SNX13: variants seen among roughly 807,000 people sequenced by gnomAD.
SNX13 encodes the protein sorting nexin 13, also known as sorting nexin-13.
Under a neutral mutation model 133.6 loss-of-function variants are expected in SNX13, and 45 were observed. The observed-to-expected ratio is 0.34, with a 90% CI of 0.27 to 0.43. The LOEUF is 0.43. SNX13 is among the 20% of genes least tolerant of loss of function. The pLI, the probability that SNX13 is intolerant of heterozygous loss-of-function variation, is 1.00. For missense variants in SNX13, 1,032 were observed against 1,145.1 expected, an observed-to-expected ratio of 0.90 and a Z score of 1.43; for synonymous variants, 414 against 373.9, an observed-to-expected ratio of 1.11 and a Z score of -1.24.
chr7:17,873,598 C>A lies in SNX13; in HGVS notation c.683G>T (p.Cys228Phe), dbSNP rs769111402. The A allele has an allele frequency of 6.4e-7, 1 of 1,568,512 alleles. No individual in the cohort carries two copies. Among genetic ancestry groups the A allele is most frequent in the African/African-American group, 1.4e-5 (1 of 73,468 alleles). Residue 228 changes from cysteine to phenylalanine, a missense_variant, in exon 8 of 26, where the codon TGT becomes TTT. Cys to Phe is a radical substitution (Grantham distance 205, BLOSUM62 -2). Transcript: ENST00000428135. ...TAGCAATAAATATAGTAAGACCTCA[C>A]ACAAATCCCTTAGGAATCCTAAAAG... is the stretch of plus-strand genomic sequence containing the variant. ...KDEEGFLRDL[C>F]EVLLYLLLPP...
At chr7:17,818,245 C>A (rs1024544197) in intron 18 of SNX13, among the ~76,000 whole-genome samples, 6 of 152,046 alleles carry the variant, frequency 3.9e-5, no homozygotes, top group African/African-American at 1.4e-4. Context: ...CGGTTGGTGG[C>A]ATTTTATTAG....
At chr7:17,867,715 C>T (rs1434457344) in intron 9 of SNX13, among the ~76,000 whole-genome samples, 7 of 151,854 alleles carry the variant, frequency 4.6e-5, no homozygotes, top group Non-Finnish European at 1.0e-4. Flanking sequence ...AAGAAAGCTA[C>T]ACTGAGTTAA....
intron 18 of SNX13, among the ~76,000 whole-genome samples, chr7:17,817,796 T>C (rs897075987): frequency 1.3e-5 from 2 of 152,180 alleles, no homozygotes; most frequent in Admixed American, 6.5e-5. Flanking sequence ...CTAAGAGATA[T>C]TTCCTGCAAT....
At position 17,805,207 on chromosome 7, in the gene SNX13, TTC is replaced by T. The variant is rs1367393743; in HGVS notation, c.2065-1629_2065-1628del. 2.8e-4 allele frequency among the ~76,000 whole-genome samples: 26 copies of T among 92,984 alleles called. No homozygotes were observed. In the South Asian group the frequency reaches 2.8e-3, roughly 10 times the overall value. The allele number at this position is 92,984 out of a possible 152,430, so 61.0% of individuals were successfully genotyped here. ...GTTAAGTCTCACGTTTGGCTAATGA[TTC>T]TTTGTGTGTGTGTGTGTGTGTGTGT... is the stretch of plus-strand genomic sequence containing the variant. On this transcript the variant is annotated intron_variant, in intron 20 of 25. Transcript: ENST00000428135.
At chr7:17,809,047 A>T (rs1389546337) in intron 20 of SNX13, among the ~76,000 whole-genome samples, 1 of 152,150 alleles carries the variant, frequency 6.6e-6, no homozygotes, top group Non-Finnish European at 1.5e-5. Context: ...AACTGCATTA[A>T]CTAACGAGCA....
intron 15 of SNX13, chr7:17,831,415 A>G (rs755181195): frequency 2.1e-5 from 18 of 871,306 alleles, no homozygotes; most frequent in Non-Finnish European, 2.3e-5. Context: ...ATAACTAAAG[A>G]AAGTAATAAT....
rs2128305824 is a variant in SNX13 at position 17,825,981 on chromosome 7, A to C, written c.1705+41T>G. 3 of 1,308,986 alleles carry C rather than the reference A, an allele frequency of 2.3e-6. No homozygotes were observed. In the South Asian group the frequency reaches 4.7e-5, roughly 21 times the overall value. The allele number at this position is 1,308,986 out of a possible 1,614,324, so 81.1% of individuals were successfully genotyped here. ...GAAAATTATTTAGGGATATAATAAT[A>C]CATAGTTTTAATGCAATAATTATAC... On this transcript the variant is annotated intron_variant, in intron 17 of 25. Coordinates refer to ENST00000428135, the MANE Select transcript of SNX13 (RefSeq NM_015132.5).
intron 20 of SNX13, among the ~76,000 whole-genome samples, chr7:17,806,262 C>T (rs1047373701): frequency 7.9e-5 from 12 of 152,136 alleles, no homozygotes; most frequent in African/African-American, 2.7e-4. Flanking sequence ...AGGAGAAAGG[C>T]TACCTGTCTG....
At chr7:17,878,866 T>C (rs768267608) in intron 5 of SNX13, among the ~76,000 whole-genome samples, 15 of 152,164 alleles carry the variant, frequency 9.9e-5, no homozygotes, top group Non-Finnish European at 1.8e-4. Flanking sequence ...TATGCCCCTT[T>C]TACTCTCAGT....
At chr7:17,862,490 A>T (rs1289455119) in intron 9 of SNX13, among the ~76,000 whole-genome samples, 1 of 152,218 alleles carries the variant, frequency 6.6e-6, no homozygotes, top group Non-Finnish European at 1.5e-5. Context: ...ATTTCAGTGT[A>T]TATCCTATGA....
At chr7:17,797,554 G>C (rs895100673) in intron 24 of SNX13, among the ~76,000 whole-genome samples, 1 of 151,800 alleles carries the variant, frequency 6.6e-6, no homozygotes, top group South Asian at 2.1e-4. Flanking sequence ...TGGTGTAAGG[G>C]CAAGACTCCC....
At chr7:17,851,059 G>T in intron 9 of SNX13, 95 bp from the exon 10 acceptor site, 2 of 1,283,856 alleles carry the variant, frequency 1.6e-6, no homozygotes, top group Non-Finnish European at 2.1e-6. Flanking sequence ...AGGACAATTT[G>T]CTACATACTC....
intron 9 of SNX13, 28 bp from the exon 10 acceptor site, chr7:17,850,992 G>A (rs761254598): frequency 1.1e-4 from 179 of 1,579,352 alleles, no homozygotes; most frequent in Non-Finnish European, 1.4e-4. Context: ...AAAAACAGGT[G>A]GGAGAGGAAC....
At chr7:17,921,980 C>T (rs531070689) in intron 1 of SNX13, among the ~76,000 whole-genome samples, 1 of 152,326 alleles carries the variant, frequency 6.6e-6, no homozygotes, top group African/African-American at 2.4e-5. Context: ...CACCAACATT[C>T]ACTACAACTT....
intron 22 of SNX13, among the ~76,000 whole-genome samples, chr7:17,799,366 A>G (rs1452163997): frequency 2.6e-5 from 4 of 151,762 alleles, no homozygotes; most frequent in Non-Finnish European, 5.9e-5. Context: ...CACAATAATG[A>G]ATAAATTTTA....
At chr7:17,836,354 TA>T (rs1054064489) in intron 13 of SNX13, among the ~76,000 whole-genome samples, 1 of 151,814 alleles carries the variant, frequency 6.6e-6, no homozygotes, top group Non-Finnish European at 1.5e-5. Flanking sequence ...CCTGTCTCTT[TA>T]AAAAAATACA....
intron 12 of SNX13, among the ~76,000 whole-genome samples, chr7:17,841,414 C>T (rs1789858740): frequency 1.3e-5 from 2 of 151,942 alleles, no homozygotes; most frequent in Admixed American, 6.6e-5. Context: ...TAAGTTTATA[C>T]CTCAGGCTGA....
At chr7:17,841,775 C>T (rs911761592) in intron 12 of SNX13, among the ~76,000 whole-genome samples, 1 of 151,662 alleles carries the variant, frequency 6.6e-6, no homozygotes, top group African/African-American at 2.4e-5. Flanking sequence ...GTCAATAAAA[C>T]AATCTATGAA....
chr7:17,915,057 T>C (rs757163312), intron 1 of SNX13, among the ~76,000 whole-genome samples: 1 of 151,998 alleles, frequency 6.6e-6, no homozygotes, highest in Non-Finnish European at 1.5e-5. Context: ...ACAAAAAAGA[T>C]AGAGGGATTG....
Sources: gnomAD v4.1 joint callset for allele counts (sites outside exome capture counted in the v4.1 genomes callset) on GRCh38, gnomAD v4.1.1 for gene constraint, MANE v1.5 for transcripts, NCBI Gene and HGNC (gene_info 2026-07-23, HGNC 2026-07-21) for gene names.